The following CHD6 variants were observed in gnomAD, a reference collection of about 807,000 sequenced individuals.
CHD6 encodes the protein chromodomain helicase DNA binding protein 6.
In CHD6, 50 loss-of-function variants were observed where a neutral mutation model predicts 276.9. That is an observed-to-expected ratio of 0.18 (90% CI 0.14 to 0.23). CHD6 has a LOEUF of 0.23. Ranked by LOEUF, CHD6 falls within the 10% of genes least tolerant of loss-of-function variation. The probability of loss-of-function intolerance (pLI) is 1.00; values close to 1 mark genes in which losing one functional copy is unlikely to be tolerated. For missense variants in CHD6, 2,564 were observed against 3,365.8 expected (o/e 0.76, Z 5.89); for synonymous variants, 1,173 against 1,229.3 (o/e 0.95, Z 0.96).
intron 1 of CHD6, among the ~76,000 whole-genome samples, chr20:41,617,939 G>T (rs1382056867): frequency 1.4e-5 from 2 of 145,866 alleles, no homozygotes; most frequent in South Asian, 2.1e-4. Context: ...GTCCCACCGC[G>T]CCCGCCCCGG....
At chr20:41,496,578 A>C (rs2043691903) in intron 8 of CHD6, among the ~76,000 whole-genome samples, 1 of 152,234 alleles carries the variant, frequency 6.6e-6, no homozygotes, top group Non-Finnish European at 1.5e-5. Flanking sequence ...TATTTACCCA[A>C]GTTACTAACA....
At position 41,420,747 on chromosome 20, in the gene CHD6, T is replaced by C; in HGVS notation, c.5888A>G (p.Tyr1963Cys). 6.2e-7 allele frequency: 1 copy of C among 1,614,256 alleles called. No homozygotes were observed. Among genetic ancestry groups the C allele is most frequent in the East Asian group, 2.2e-5 (1 of 44,892 alleles). Residue 1963 changes from tyrosine to cysteine, a missense_variant, in exon 31 of 37, where the codon TAT becomes TGT. Coordinates refer to ENST00000373233, the MANE Select transcript of CHD6 (RefSeq NM_032221.5). ...DEFEIEKPKA[Y>C]IPDLFKSKTN... is the part of the protein sequence containing the mutation. ...TTTACTTTTGAACAGATCTGGGATA[T>C]AAGCCTTGGGTTTCTCGATTTCAAA...
chr20:41,455,684 C>T, intron 19 of CHD6, 116 bp downstream of exon 19: 1 of 691,926 alleles, frequency 1.4e-6, no homozygotes, highest in Non-Finnish European at 2.4e-6. Flanking sequence ...ACTAAATGTG[C>T]AGCCAATTTC....
In CHD6 at chr20:41,416,619, T is replaced by C. The variant is rs374876255; in HGVS notation, c.6455A>G (p.Asn2152Ser). ...GATCTGGGCCGCCAATGCTGCGCCG[T>C]TGCTGAAGCTGTGTTCTGCTGCTTC... is the stretch of plus-strand genomic sequence containing the variant. ...EPEAAEHSFS[N>S]GAALAAQIHK... Residue 2152 changes from asparagine to serine, a missense_variant, in exon 33 of 37, where the codon AAC becomes AGC. By Grantham distance (46) the Asn-to-Ser change is conservative. Transcript: ENST00000373233. The C allele has an allele frequency of 4.3e-6, 7 of 1,613,384 alleles. No individual in the cohort carries two copies. In the African/African-American group the frequency reaches 8.0e-5, roughly 18 times the overall value.
chr20:41,475,978 G>A (rs1013778478), intron 16 of CHD6, among the ~76,000 whole-genome samples: 6 of 152,060 alleles, frequency 3.9e-5, no homozygotes, highest in Non-Finnish European at 7.3e-5. Flanking sequence ...AGTTTTGAGG[G>A]AGTGCTCTCA....
At chr20:41,564,994 A>C (rs879776960) in intron 1 of CHD6, among the ~76,000 whole-genome samples, 8 of 152,226 alleles carry the variant, frequency 5.3e-5, no homozygotes, top group Admixed American at 3.9e-4. Context: ...CTTGGGGTCC[A>C]AGAAGACCAG....
Position 41,491,689 on chromosome 20 carries a change from G to T in CHD6, c.1436+9C>A. The T allele has an allele frequency of 1.2e-6, 2 of 1,613,598 alleles. No individual in the cohort carries two copies. Among genetic ancestry groups the T allele is most frequent in the Non-Finnish European group, 1.7e-6 (2 of 1,179,696 alleles). On this transcript the variant is annotated intron_variant, in intron 11 of 36. Transcript: ENST00000373233. ...GGTACAAACATCTGGGCTGGTTTTGGTTCCTTACCTGTTATACCAGTTAAA... is the reference window on the plus strand; with the variant it reads ...GGTACAAACATCTGGGCTGGTTTTGTTTCCTTACCTGTTATACCAGTTAAA...
chr20:41,554,297 T>A (rs1232912542), intron 1 of CHD6, among the ~76,000 whole-genome samples: 1 of 152,204 alleles, frequency 6.6e-6, no homozygotes, highest in Non-Finnish European at 1.5e-5. Context: ...AGCACTGGAA[T>A]AAAAACAAGC....
intron 3 of CHD6, 24 bp from the exon 4 acceptor site, chr20:41,514,976 A>G (rs1240633886): frequency 6.2e-7 from 1 of 1,612,650 alleles, no homozygotes; most frequent in Non-Finnish European, 8.5e-7. Flanking sequence ...TTCAGAATTA[A>G]AACTGTTGGG....
intron 1 of CHD6, among the ~76,000 whole-genome samples, chr20:41,604,331 A>G (rs1486553589): frequency 1.3e-5 from 2 of 152,144 alleles, no homozygotes; most frequent in Non-Finnish European, 2.9e-5. Context: ...GGAGTATAAA[A>G]CTAGAAGGAC....
chr20:41,464,059 G>A (rs2042862938), intron 17 of CHD6, among the ~76,000 whole-genome samples: 1 of 152,134 alleles, frequency 6.6e-6, no homozygotes, highest in Admixed American at 6.5e-5. Context: ...TGATAGAGTC[G>A]AGGCAAAATG....
chr20:41,426,036 G>A (rs2047352515), intron 28 of CHD6, 57 bp downstream of exon 28: 8 of 1,233,690 alleles, frequency 6.5e-6, no homozygotes, highest in South Asian at 4.8e-5. Flanking sequence ...TAAACTCCAC[G>A]ATAACTAACA....
intron 17 of CHD6, among the ~76,000 whole-genome samples, chr20:41,462,534 T>A (rs1569105631): frequency 6.6e-6 from 1 of 152,108 alleles, no homozygotes; most frequent in Non-Finnish European, 1.5e-5. Context: ...AGCAAATGAG[T>A]AAAGATACCG....
At chr20:41,412,449 G>A (rs1418726215) in intron 35 of CHD6, among the ~76,000 whole-genome samples, 186 bp from the exon 36 acceptor site, 4 of 152,212 alleles carry the variant, frequency 2.6e-5, no homozygotes, top group Admixed American at 1.3e-4. Flanking sequence ...AAGCACCAGT[G>A]TTCCTACAGT....
At chr20:41,442,097 A>G (rs886912370) in intron 25 of CHD6, among the ~76,000 whole-genome samples, 1 of 152,148 alleles carries the variant, frequency 6.6e-6, no homozygotes, top group Non-Finnish European at 1.5e-5. Context: ...CTATGGCTAT[A>G]TTCAACTCAT....
chr20:41,471,607 CTCACTGCAAGCTCCGCCTCGTGGGT>C (rs1310319973), intron 17 of CHD6, among the ~76,000 whole-genome samples: 1 of 151,836 alleles, frequency 6.6e-6, no homozygotes, highest in Non-Finnish European at 1.5e-5. Context: ...ACAATCTCGG[CTCACTGCAAGCTCCGCCTCGTGGGT>C]TCATGCCATT....
intron 18 of CHD6, among the ~76,000 whole-genome samples, chr20:41,456,371 AT>A (rs999592130): frequency 6.6e-6 from 1 of 151,996 alleles, no homozygotes; most frequent in African/African-American, 2.4e-5. Context: ...ACAATGATTT[AT>A]TCATTATTAA....
In CHD6 at chr20:41,421,787, G is replaced by A. The variant is rs145853384; in HGVS notation, c.4848C>T (p.Ala1616=). The change falls in exon 31 of 37, where the codon GCC becomes GCT. Residue 1616 remains alanine, a synonymous_variant. Transcript: ENST00000373233. ...LSFLDAYRNY[A]QHKRSGTQAP... is the part of the protein sequence containing the mutation. The stretch of plus-strand genomic sequence containing the variant: ...CCTGGGTGCCAGATCTTTTATGCTG[G>A]GCATAGTTTCTATAGGCATCCAGGA... 6.2e-7 allele frequency: 1 copy of A among 1,614,034 alleles called. No homozygotes were observed. Among genetic ancestry groups the A allele is most frequent in the African/African-American group, 1.3e-5 (1 of 74,914 alleles).
chr20:41,578,564 C>G (rs909062012), intron 1 of CHD6, among the ~76,000 whole-genome samples: 1 of 151,828 alleles, frequency 6.6e-6, no homozygotes, highest in Non-Finnish European at 1.5e-5. Flanking sequence ...CCTATAATCC[C>G]AGCTACTCGG....
Sources: allele counts gnomAD v4.1 joint callset (sites outside exome capture counted in the v4.1 genomes callset), GRCh38; gene constraint gnomAD v4.1.1; transcripts MANE v1.5; gene names NCBI Gene and HGNC (gene_info 2026-07-23, HGNC 2026-07-21).